Variants in HRAS observed in about 807,000 individuals in gnomAD.
The protein encoded by HRAS is HRas proto-oncogene, GTPase.
Under a neutral mutation model 19.8 loss-of-function variants are expected in HRAS, and 11 were observed. The observed-to-expected ratio is 0.55, with a 90% CI of 0.35 to 0.92. HRAS has a LOEUF of 0.92. HRAS is among the 40% of genes least tolerant of loss of function. The pLI is 0.01. For missense variants in HRAS, 204 were observed against 255.9 expected, an observed-to-expected ratio of 0.80 and a Z score of 1.38; for synonymous variants, 149 against 105.5, an observed-to-expected ratio of 1.41 and a Z score of -2.52.
Position 533,790 on chromosome 11 carries a change from G to C in HRAS, c.266C>G (p.Ser89Cys), listed in dbSNP as rs755322824. 7 of 1,613,354 alleles carry C rather than the reference G, an allele frequency of 4.3e-6. No homozygotes were observed. The highest frequency in any genetic ancestry group is 1.1e-5 in the South Asian group (1 of 91,086). The change falls in exon 3 of 6, where the codon TCT becomes TGT. Residue 89 changes from serine to cysteine, a missense_variant. Physicochemically the swap from Ser to Cys is moderately radical, Grantham distance 112. This residue lies in a region of HRAS where 142 missense variants were observed against 141.1 expected (regional missense o/e 1.01). Coordinates refer to ENST00000311189, the MANE Select transcript of HRAS (RefSeq NM_005343.4). ...CCTGTACTGGTGGATGTCCTCAAAAGACTTGGTGTTGTTGATGGCAAACAC... is the reference window on the plus strand; with the variant it reads ...CCTGTACTGGTGGATGTCCTCAAAACACTTGGTGTTGTTGATGGCAAACAC... ...LCVFAINNTK[S>C]FEDIHQYREQ...
At chr11:535,170 G>A (rs1305665710) in intron 1 of HRAS, 1 of 152,072 alleles carries the variant, frequency 6.6e-6, no homozygotes, top group East Asian at 1.9e-4. Flanking sequence ...ACCGTGCCCA[G>A]CGCGAGGCCA....
rs888029805 is a variant in HRAS, at chr11:534,100, C to T, written c.111+112G>A. 5 of 1,164,790 alleles carry T rather than the reference C, an allele frequency of 4.3e-6. No homozygotes were observed. The South Asian group carries it at 6.1e-5, about 14-fold the overall frequency. 72.2% of individuals were successfully genotyped at this position (1,164,790 alleles called of 1,614,324 possible). A position where few individuals can be genotyped will look rare whatever the true frequency, so the allele number is the denominator to read the frequency against. On this transcript the variant is annotated intron_variant, in intron 2 of 5. Coordinates refer to ENST00000311189, the MANE Select transcript of HRAS (RefSeq NM_005343.4). ...CCCCTCCTCTAGAGGAAGCAGGAGA[C>T]AGGGCCACAGCACCATGCAGGGGAC...
At chr11:534,075 C>A in intron 2 of HRAS, 131 bp from the exon 3 acceptor site, 1 of 1,186,138 alleles carries the variant, frequency 8.4e-7, no homozygotes, top group South Asian at 1.2e-5. Flanking sequence ...ACGAGGGACT[C>A]CCCTCCTCTA....
chr11:532,374 T>G lies in HRAS; in HGVS notation c.*154A>C, dbSNP rs1461318077. The G allele has an allele frequency of 5.2e-6, 3 of 580,388 alleles. No individual in the cohort carries two copies. The highest frequency in any genetic ancestry group is 9.2e-6 in the Non-Finnish European group (3 of 324,620). 36.0% of individuals were successfully genotyped at this position (580,388 alleles called of 1,614,324 possible). ...CAAGACAGTCTGTGCACAGCCTCCCTGGGAGGGTCTGCAGTCACCTCGGCC... is the reference window on the plus strand; with the variant it reads ...CAAGACAGTCTGTGCACAGCCTCCCGGGGAGGGTCTGCAGTCACCTCGGCC... On this transcript the variant is annotated 3_prime_UTR_variant, in exon 6 of 6. Coordinates refer to ENST00000311189, the MANE Select transcript of HRAS (RefSeq NM_005343.4).
rs377669809 is a variant in HRAS, at chr11:534,345, C to T, written c.-23G>A. 4.4e-6 allele frequency: 7 copies of T among 1,586,594 alleles called. No individual in the cohort carries two copies. Among genetic ancestry groups the T allele is most frequent in the Non-Finnish European group, 6.0e-6 (7 of 1,161,366 alleles). On this transcript the variant is annotated 5_prime_UTR_variant, in exon 2 of 6. Coordinates refer to ENST00000311189, the MANE Select transcript of HRAS (RefSeq NM_005343.4). ...CATCGCTCCTCAGGGGCCTGCGGCC[C>T]GGGGTCCTCCTACAGGGTCTCCTGC...
intron 2 of HRAS, 83 bp from the exon 3 acceptor site, chr11:534,027 C>T (rs1851294709): frequency 1.4e-6 from 2 of 1,407,324 alleles, no homozygotes; most frequent in Non-Finnish European, 2.0e-6. Context: ...TGGTACCTCT[C>T]ATGCCCCTCA....
chr11:532,692 T>G lies in HRAS; in HGVS notation c.514A>C (p.Asn172His). 3 of 1,613,202 alleles carry G rather than the reference T, an allele frequency of 1.9e-6. No individual in the cohort carries two copies. The highest frequency in any genetic ancestry group is 2.5e-6 in the Non-Finnish European group (3 of 1,180,004). Residue 172 changes from asparagine to histidine, a missense_variant, in exon 5 of 6, where the codon AAC (asparagine) becomes CAC (histidine). Physicochemically the swap from Asn to His is moderately conservative, Grantham distance 68. Coordinates refer to ENST00000311189, the MANE Select transcript of HRAS (RefSeq NM_005343.4). ...EIRQHKLRKL[N>H]PPDESGPGCM... ...CCGGGGCCACTCTCATCAGGAGGGT[T>G]CAGCTTCCGCAGCTTGTGCTGCCGG... is the stretch of plus-strand genomic sequence containing the variant.
At position 534,313 on chromosome 11, in the gene HRAS, A is replaced by G. The variant is rs1554885164; in HGVS notation, c.10T>C (p.Tyr4His). ...CCGGCGCCCACCACCACCAGCTTAT[A>G]TTCCGTCATCGCTCCTCAGGGGCCT... Reference protein sequence around the residue: MTEYKLVVVGAGGV... With the variant: MTEHKLVVVGAGGV... The change falls in exon 2 of 6, where the codon TAT becomes CAT. Residue 4 changes from tyrosine (Y) to histidine (H), a missense_variant. Tyr to His is a moderately conservative substitution (Grantham distance 83). Transcript: ENST00000311189. 1 of 1,612,574 alleles carries G rather than the reference A, an allele frequency of 6.2e-7. No homozygotes were observed. The highest frequency in any genetic ancestry group is 2.2e-5 in the East Asian group (1 of 44,870).
intron 1 of HRAS, chr11:534,641 C>T (rs1233710873): frequency 2.2e-6 from 1 of 463,982 alleles, no homozygotes; most frequent in Admixed American, 3.6e-5. Context: ...GCGCTCTCAA[C>T]CACGCACCCA....
chr11:533,281 C>T (rs1226835781), intron 4 of HRAS, 172 bp downstream of exon 4: 11 of 1,589,508 alleles, frequency 6.9e-6, no homozygotes, highest in East Asian at 4.5e-5. Flanking sequence ...ACTTACAGCG[C>T]GAGGGGCCGC....
rs1431366544 is a variant in HRAS at position 532,388 on chromosome 11, G to A, written c.*140C>T. On this transcript the variant is annotated 3_prime_UTR_variant, in exon 6 of 6. Coordinates refer to ENST00000311189, the MANE Select transcript of HRAS (RefSeq NM_005343.4). ...CACAGCCTCCCTGGGAGGGTCTGCA[G>A]TCACCTCGGCCCACGGTCCCGGGGT... 1.7e-6 allele frequency: 1 copy of A among 596,282 alleles called. No homozygotes were observed. The highest frequency in any genetic ancestry group is 2.8e-5 in the East Asian group (1 of 35,300). The allele number at this position is 596,282 out of a possible 1,614,324, so 36.9% of individuals were successfully genotyped here. A position where few individuals can be genotyped will look rare whatever the true frequency, so the allele number is the denominator to read the frequency against.
intron 4 of HRAS, among the ~76,000 whole-genome samples, chr11:533,117 G>A (rs1232650861): frequency 6.6e-6 from 1 of 152,246 alleles, no homozygotes; most frequent in Non-Finnish European, 1.5e-5. Context: ...CTGGGGACAA[G>A]AGGGGCCGGG....
chr11:535,552 G>C lies in HRAS; in HGVS notation c.-190C>G, dbSNP rs912888395. 6.7e-6 allele frequency: 1 copy of C among 148,756 alleles called. No individual in the cohort carries two copies. Among genetic ancestry groups the C allele is most frequent in the African/African-American group, 2.4e-5 (1 of 41,070 alleles). The allele number at this position is 148,756 out of a possible 1,614,324, so 9.2% of individuals were successfully genotyped here. On this transcript the variant is annotated 5_prime_UTR_variant, in exon 1 of 6. Coordinates refer to ENST00000311189, the MANE Select transcript of HRAS (RefSeq NM_005343.4). ...GGCTCGGGTTGCGGGCGCAGGGCAC[G>C]GGCGGCGGAGACTCGGGCGGGCCTG...
At chr11:534,496 G>A (rs1851335045) in intron 1 of HRAS, 121 bp from the exon 2 acceptor site, 1 of 618,940 alleles carries the variant, frequency 1.6e-6, no homozygotes, top group East Asian at 2.7e-5. Context: ...ACGCCAGGCA[G>A]CAAGGACTGC....
intron 4 of HRAS, among the ~76,000 whole-genome samples, chr11:533,062 G>A (rs928660489): frequency 2.0e-5 from 3 of 152,198 alleles, no homozygotes; most frequent in African/African-American, 7.2e-5. Context: ...CGTGTCCCCA[G>A]TAGCCCCACT....
intron 1 of HRAS, among the ~76,000 whole-genome samples, chr11:534,764 C>A (rs2133997748): frequency 6.6e-6 from 1 of 152,232 alleles, no homozygotes; most frequent in Non-Finnish European, 1.5e-5. Flanking sequence ...CGTGCCCGGG[C>A]AGGCTAGTGC....
chr11:533,241 G>A (rs987573295), intron 4 of HRAS: 58 of 1,523,896 alleles, frequency 3.8e-5, no homozygotes, highest in Admixed American at 5.8e-5. Flanking sequence ...CCCGGCCCTC[G>A]CCTCCCTCAC....
rs1851160408 is a variant in HRAS, at chr11:532,478, T to C, written c.*50A>G. On this transcript the variant is annotated 3_prime_UTR_variant, in exon 6 of 6. Transcript: ENST00000311189. The stretch of plus-strand genomic sequence containing the variant: ...GTCCTTCCTTCCTCCTCCTTCCGTC[T>C]GCACCTCCTTCCTGCATCCGGCACC... 2 of 988,426 alleles carry C rather than the reference T, an allele frequency of 2.0e-6. No individual in the cohort carries two copies. Among genetic ancestry groups the C allele is most frequent in the Non-Finnish European group, 3.0e-6 (2 of 669,142 alleles). The allele number at this position is 988,426 out of a possible 1,614,324, so 61.2% of individuals were successfully genotyped here. A position where few individuals can be genotyped will look rare whatever the true frequency, so the allele number is the denominator to read the frequency against.
intron 1 of HRAS, 193 bp downstream of exon 1, chr11:535,223 C>A (rs1393894829): frequency 6.7e-6 from 1 of 149,704 alleles, no homozygotes; most frequent in Non-Finnish European, 1.5e-5. Context: ...GAGGAAGGGG[C>A]CCCCGCCCGC....
Sources: gnomAD v4.1 joint callset for allele counts (sites outside exome capture counted in the v4.1 genomes callset) on GRCh38, gnomAD v4.1.1 for gene constraint, gnomAD v4.1.1 regional missense constraint, MANE v1.5 for transcripts, NCBI Gene and HGNC (gene_info 2026-07-23, HGNC 2026-07-21) for gene names.